Variants in SUN3 observed in about 807,000 individuals in gnomAD.
SUN3 encodes Sad1 and UNC84 domain containing 3.
A neutral mutation model predicts 48.2 loss-of-function variants in SUN3; 36 were observed. The observed-to-expected ratio is 0.75, with a 90% CI of 0.57 to 0.99. SUN3 has a LOEUF of 0.99. Among genes scored for constraint, SUN3 ranks in the 50% least tolerant of loss-of-function variants. SUN3 has a pLI of 0.00. For missense variants in SUN3, 419 were observed against 433.1 expected (o/e 0.97, Z 0.29); for synonymous variants, 148 against 147.9 (o/e 1.00, Z 0.00).
In SUN3 at chr7:48,012,518, A is replaced by AT. The variant is rs200332498; in HGVS notation, c.289-3444dup. Among the ~76,000 whole-genome samples the AT allele has an allele frequency of 1.4e-3, 215 of 152,002 alleles. 2 individuals carry two copies. The highest frequency in any genetic ancestry group is 4.8e-3 in the African/African-American group (199 of 41,474). ...ACACATTTCTGACATGGTCATTAAAATTTTTTTTCTCAATGAGGTCCCATA... is the reference window on the plus strand; with the variant it reads ...ACACATTTCTGACATGGTCATTAAAATTTTTTTTTCTCAATGAGGTCCCATA... On this transcript the variant is annotated intron_variant, in intron 3 of 9. Transcript: ENST00000297325.
intron 2 of SUN3, among the ~76,000 whole-genome samples, chr7:48,017,949 C>T (rs1313718210): frequency 6.6e-6 from 1 of 152,166 alleles, no homozygotes; most frequent in Non-Finnish European, 1.5e-5. Context: ...ATGGAAGTGG[C>T]AGACAGACCC....
chr7:48,016,180 G>A (rs986854283), intron 3 of SUN3, among the ~76,000 whole-genome samples: 11 of 152,012 alleles, frequency 7.2e-5, no homozygotes, highest in African/African-American at 2.7e-4. Flanking sequence ...AGGAACAGAA[G>A]ACAGCAAGAA....
chr7:48,010,850 A>G (rs1296328113), intron 3 of SUN3, among the ~76,000 whole-genome samples: 1 of 152,216 alleles, frequency 6.6e-6, no homozygotes, highest in African/African-American at 2.4e-5. Context: ...CAAAAGTGTA[A>G]GGTCAACGTG....
At chr7:47,991,515 A>C (rs1789057851) in intron 8 of SUN3, among the ~76,000 whole-genome samples, 2 of 127,158 alleles carry the variant, frequency 1.6e-5, no homozygotes, top group African/African-American at 6.0e-5. Flanking sequence ...TGTTTAACCC[A>C]GGGCCCTCCT....
chr7:48,021,292 T>C (rs1373279837), intron 2 of SUN3, among the ~76,000 whole-genome samples: 4 of 152,066 alleles, frequency 2.6e-5, no homozygotes, highest in Non-Finnish European at 5.9e-5. Context: ...TCTAAGACTT[T>C]AGACTATGAA....
At chr7:48,023,175 T>C (rs942870589) in intron 2 of SUN3, among the ~76,000 whole-genome samples, 4 of 152,152 alleles carry the variant, frequency 2.6e-5, no homozygotes, top group African/African-American at 9.7e-5. Context: ...AAGACAAATT[T>C]ATAAAGCATA....
chr7:48,019,102 A>G (rs1243655391), intron 2 of SUN3, among the ~76,000 whole-genome samples: 2 of 152,200 alleles, frequency 1.3e-5, no homozygotes, highest in African/African-American at 4.8e-5. Flanking sequence ...CAGTTAACTT[A>G]AAGATAGAGC....
intron 2 of SUN3, among the ~76,000 whole-genome samples, chr7:48,022,898 T>C (rs1255017458): frequency 6.6e-6 from 1 of 152,068 alleles, no homozygotes; most frequent in African/African-American, 2.4e-5. Flanking sequence ...AAAAAAATTC[T>C]ATATATGAGA....
chr7:48,007,892 C>T lies in SUN3; in HGVS notation c.330-565G>A, dbSNP rs192994675. ...AGGCTGGAGTGCAGTGGCGTGATCTCGGCTCACTGCAACCTCCGCCTCCCG... is the reference window on the plus strand; with the variant it reads ...AGGCTGGAGTGCAGTGGCGTGATCTTGGCTCACTGCAACCTCCGCCTCCCG... On this transcript the variant is annotated intron_variant, in intron 4 of 9. Transcript: ENST00000297325. Among the ~76,000 whole-genome samples the T allele has an allele frequency of 7.9e-3, 1,193 of 150,858 alleles. 13 individuals are homozygous for T. The highest frequency in any genetic ancestry group is 0.012 in the Non-Finnish European group (826 of 67,842).
the SUN3 span, among the ~76,000 whole-genome samples, chr7:48,034,406 A>G: frequency 6.6e-6 from 1 of 152,176 alleles, no homozygotes; most frequent in Non-Finnish European, 1.5e-5. Flanking sequence ...GTTCAGTTCA[A>G]GTTGTCAAAT....
At chr7:48,005,852 C>CA (rs1024356893) in intron 6 of SUN3, 117 bp downstream of exon 6, 8 of 487,666 alleles carry the variant, frequency 1.6e-5, no homozygotes, top group African/African-American at 1.5e-4. Flanking sequence ...GATTAATTTC[C>CA]CCCCCCCAAG....
chr7:48,009,990 G>A (rs1789639389), intron 3 of SUN3, among the ~76,000 whole-genome samples: 2 of 152,104 alleles, frequency 1.3e-5, no homozygotes, highest in African/African-American at 4.8e-5. Flanking sequence ...CACAGATGAC[G>A]GTGGTTGGGT....
chr7:48,003,878 C>A (rs911690857), intron 6 of SUN3, among the ~76,000 whole-genome samples: 2 of 151,792 alleles, frequency 1.3e-5, no homozygotes, highest in Admixed American at 6.5e-5. Flanking sequence ...TTCCTCTCTT[C>A]CTATTTGGAT....
intron 6 of SUN3, among the ~76,000 whole-genome samples, chr7:48,000,512 A>C (rs990259634): frequency 7.2e-5 from 11 of 152,138 alleles, no homozygotes; most frequent in Admixed American, 2.6e-4. Flanking sequence ...TTTTGGTGTC[A>C]TTTCTATTGA....
upstream of SUN3, among the ~76,000 whole-genome samples, chr7:48,030,370 C>T (rs748440581): frequency 1.3e-5 from 2 of 152,212 alleles, no homozygotes; most frequent in Non-Finnish European, 2.9e-5. Context: ...CCGGCATCTG[C>T]CTTCTAGCTA....
chr7:47,993,013 C>T (rs879713905), intron 8 of SUN3, among the ~76,000 whole-genome samples: 18 of 151,800 alleles, frequency 1.2e-4, no homozygotes, highest in South Asian at 4.2e-4. Flanking sequence ...AACAATCCCA[C>T]GAGTTTGAAG....
At chr7:48,025,828 G>A in intron 2 of SUN3, 49 bp downstream of exon 2, 1 of 1,284,910 alleles carries the variant, frequency 7.8e-7, no homozygotes, top group Non-Finnish European at 1.1e-6. Context: ...TCACCAGGCA[G>A]ACATAACCTG....
Position 48,020,636 on chromosome 7 carries a change from C to T in SUN3, c.185-3271G>A, listed in dbSNP as rs113221057. 3.0e-3 allele frequency among the ~76,000 whole-genome samples: 454 copies of T among 152,216 alleles called. 7 individuals carry two copies. Among genetic ancestry groups the T allele is most frequent in the African/African-American group, 0.01 (424 of 41,534 alleles). On this transcript the variant is annotated intron_variant, in intron 2 of 9. Coordinates refer to ENST00000297325, the MANE Select transcript of SUN3 (RefSeq NM_001030019.2). ...CAATGTACAAAAATCAGTAGCATTT[C>T]TATATACAAACAGTGAACAATCTGA...
chr7:48,014,929 T>C (rs941344176), intron 3 of SUN3, among the ~76,000 whole-genome samples: 2 of 152,196 alleles, frequency 1.3e-5, no homozygotes, highest in African/African-American at 4.8e-5. Context: ...TCTCATTCTT[T>C]ATTCTTAAGA....
Sources: gnomAD v4.1 joint callset for allele counts (sites outside exome capture counted in the v4.1 genomes callset) on GRCh38, gnomAD v4.1.1 for gene constraint, MANE v1.5 for transcripts, NCBI Gene and HGNC (gene_info 2026-07-23, HGNC 2026-07-21) for gene names.